The following HS6ST3 variants were observed in gnomAD, a reference collection of about 807,000 sequenced individuals.
The protein encoded by HS6ST3 is heparan sulfate 6-O-sulfotransferase 3.
A neutral mutation model predicts 36.7 loss-of-function variants in HS6ST3; 12 were observed. The ratio of observed to expected loss-of-function variants is 0.33; its 90% CI spans 0.21 to 0.53. The LOEUF is 0.53. Ranked by LOEUF, HS6ST3 falls within the 20% of genes least tolerant of loss-of-function variation. The pLI is 0.95. For synonymous variants in HS6ST3, 240 were observed against 257.5 expected (o/e 0.93, Z 0.65); for missense variants, 584 against 640.9 (o/e 0.91, Z 0.96).
chr13:96,386,338 C>T (rs997464413), intron 1 of HS6ST3, among the ~76,000 whole-genome samples: 1 of 151,908 alleles, frequency 6.6e-6, no homozygotes, highest in Non-Finnish European at 1.5e-5. Context: ...TCCATTCTGC[C>T]GATATACTTG....
At chr13:96,656,744 A>C (rs1018806625) in intron 1 of HS6ST3, among the ~76,000 whole-genome samples, 1 of 152,108 alleles carries the variant, frequency 6.6e-6, no homozygotes, top group Non-Finnish European at 1.5e-5. Context: ...TGAATTGGCT[A>C]TTCTGAGAAA....
At chr13:96,417,042 G>A (rs950058483) in intron 1 of HS6ST3, among the ~76,000 whole-genome samples, 2 of 152,128 alleles carry the variant, frequency 1.3e-5, no homozygotes, top group East Asian at 1.9e-4. Flanking sequence ...GAGCCACCGC[G>A]CCCGGCCGGC....
At position 96,809,652 on chromosome 13, in the gene HS6ST3, G is replaced by A. The variant is rs562871726; in HGVS notation, c.708-22838G>A. Among the ~76,000 whole-genome samples, 7 of 152,222 alleles carry A rather than the reference G, an allele frequency of 4.6e-5. No individual in the cohort carries two copies. In the South Asian group the frequency reaches 1.2e-3, roughly 27 times the overall value. ...GCAATGACTCTGAGCTCCCAGACTC[G>A]GCCATGAGCTCTGGGCAGGCAGAGG... On this transcript the variant is annotated intron_variant, in intron 1 of 1. Coordinates refer to ENST00000376705, the MANE Select transcript of HS6ST3 (RefSeq NM_153456.4).
At chr13:96,299,753 T>C (rs918778348) in intron 1 of HS6ST3, among the ~76,000 whole-genome samples, 1 of 152,142 alleles carries the variant, frequency 6.6e-6, no homozygotes, top group Admixed American at 6.5e-5. Flanking sequence ...CACTGTGACA[T>C]TGGCGTTTTG....
intron 1 of HS6ST3, among the ~76,000 whole-genome samples, chr13:96,141,156 C>A (rs2054030210): frequency 6.6e-6 from 1 of 152,160 alleles, no homozygotes; most frequent in Admixed American, 6.5e-5. Flanking sequence ...TGTGCAAATG[C>A]AGTCGGGTTT....
intron 1 of HS6ST3, among the ~76,000 whole-genome samples, chr13:96,671,415 G>A (rs1306019964): frequency 2.0e-5 from 3 of 152,066 alleles, no homozygotes; most frequent in African/African-American, 7.2e-5. Flanking sequence ...GATGTATCCT[G>A]GATCCATGTC....
chr13:96,739,914 T>C (rs978900138), intron 1 of HS6ST3, among the ~76,000 whole-genome samples: 2 of 152,164 alleles, frequency 1.3e-5, no homozygotes, highest in African/African-American at 4.8e-5. Flanking sequence ...TTCCCACTTT[T>C]TGCTGCCACT....
At chr13:96,466,237 C>A (rs2055812960) in intron 1 of HS6ST3, among the ~76,000 whole-genome samples, 3 of 152,004 alleles carry the variant, frequency 2.0e-5, no homozygotes, top group African/African-American at 4.8e-5. Flanking sequence ...GCCAAGATCA[C>A]ACCACTGCAC....
chr13:96,104,892 C>A (rs1269673371), intron 1 of HS6ST3, among the ~76,000 whole-genome samples: 1 of 152,096 alleles, frequency 6.6e-6, no homozygotes, highest in African/African-American at 2.4e-5. Context: ...TAAAATCCTT[C>A]TTTTTCATGA....
intron 1 of HS6ST3, among the ~76,000 whole-genome samples, chr13:96,141,769 T>C (rs2054033058): frequency 6.6e-6 from 1 of 152,134 alleles, no homozygotes; most frequent in Admixed American, 6.5e-5. Context: ...CAGGGGGGTC[T>C]TAAGGACCTT....
Position 96,404,436 on chromosome 13 carries a change from C to A in HS6ST3, c.707+312867C>A, listed in dbSNP as rs746667982. On this transcript the variant is annotated intron_variant, in intron 1 of 1. Coordinates refer to ENST00000376705, the MANE Select transcript of HS6ST3 (RefSeq NM_153456.4). Reference sequence around the variant, plus strand: ...TTCCTCTCTACCTGATGACAGTGAGCAAAATTACTTAACATTTTAAAGAGT... The same window carrying A: ...TTCCTCTCTACCTGATGACAGTGAGAAAAATTACTTAACATTTTAAAGAGT... Among the ~76,000 whole-genome samples, 118 of 152,278 alleles carry A rather than the reference C, an allele frequency of 7.7e-4. 2 individuals carry two copies. Among genetic ancestry groups the A allele is most frequent in the Non-Finnish European group, 6.2e-4 (42 of 68,036 alleles).
chr13:96,489,558 C>G (rs1002889178), intron 1 of HS6ST3, among the ~76,000 whole-genome samples: 1 of 151,880 alleles, frequency 6.6e-6, no homozygotes, highest in African/African-American at 2.4e-5. Flanking sequence ...TTCATGTTTT[C>G]TTTAAAAATT....
intron 1 of HS6ST3, among the ~76,000 whole-genome samples, chr13:96,805,451 TCTTTATA>T (rs1432070238): frequency 1.3e-5 from 2 of 152,188 alleles, no homozygotes; most frequent in African/African-American, 4.8e-5. Context: ...AAACCTCTCT[TCTTTATA>T]AATTACCCAG....
intron 1 of HS6ST3, among the ~76,000 whole-genome samples, chr13:96,199,416 A>T (rs866025774): frequency 6.6e-6 from 1 of 152,226 alleles, no homozygotes; most frequent in Non-Finnish European, 1.5e-5. Flanking sequence ...GTACGTCTTG[A>T]TAGTTACTTA....
chr13:96,214,142 CTTTG>C (rs749523589), intron 1 of HS6ST3, among the ~76,000 whole-genome samples: 18 of 152,130 alleles, frequency 1.2e-4, no homozygotes, highest in Admixed American at 2.6e-4. Context: ...TAACCAAAAA[CTTTG>C]TTTTTCATTT....
Position 96,832,506 on chromosome 13 carries a change from A to G in HS6ST3, c.724A>G (p.Thr242Ala). 6.4e-7 allele frequency: 1 copy of G among 1,568,380 alleles called. No homozygotes were observed. The highest frequency in any genetic ancestry group is 8.6e-7 in the Non-Finnish European group (1 of 1,158,422). The change falls in exon 2 of 2, where the codon ACA becomes GCA. Residue 242 changes from threonine to alanine, a missense_variant. Thr to Ala is a moderately conservative substitution (Grantham distance 58, BLOSUM62 0). This residue lies in a region of HS6ST3 where 360 missense variants were observed against 411.3 expected (regional missense o/e 0.88). Transcript: ENST00000376705. Reference protein sequence around the residue: ...HSHTRNFYYITMLRDPVSRYL... With the variant: ...HSHTRNFYYIAMLRDPVSRYL... ...TTCTTCTAGGAATTTCTATTACATC[A>G]CAATGTTACGGGATCCAGTGTCACG...
chr13:96,806,117 T>C lies in HS6ST3; in HGVS notation c.708-26373T>C, dbSNP rs78572414. Among the ~76,000 whole-genome samples the C allele has an allele frequency of 2.6e-5, 4 of 152,310 alleles. No homozygotes were observed. The East Asian group carries it at 7.7e-4, about 29-fold the overall frequency. On this transcript the variant is annotated intron_variant, in intron 1 of 1. Transcript: ENST00000376705. ...TCACTTGTCAAGTATAGCACATAGC[T>C]AGAGGTGGGATTGATTCTATCTTAT...
chr13:96,643,433 T>C (rs1408895317), intron 1 of HS6ST3, among the ~76,000 whole-genome samples: 1 of 151,878 alleles, frequency 6.6e-6, no homozygotes, highest in East Asian at 1.9e-4. Context: ...ATTTGTTGGG[T>C]TTCTCAAAGA....
At chr13:96,171,319 C>T (rs984722582) in intron 1 of HS6ST3, among the ~76,000 whole-genome samples, 39 of 152,126 alleles carry the variant, frequency 2.6e-4, no homozygotes, top group Admixed American at 1.6e-3. Flanking sequence ...ATCTGTCCTG[C>T]GTGAGTGGTT....
Sources: gnomAD v4.1 joint callset for allele counts (sites outside exome capture counted in the v4.1 genomes callset) on GRCh38, gnomAD v4.1.1 for gene constraint, gnomAD v4.1.1 regional missense constraint, MANE v1.5 for transcripts, NCBI Gene and HGNC (gene_info 2026-07-23, HGNC 2026-07-21) for gene names.